Variants in ABCA13 observed in about 807,000 individuals in gnomAD.
ABCA13 encodes ATP binding cassette subfamily A member 13.
ABCA13 carries 476 observed loss-of-function variants against 478.7 expected under a neutral mutation model. The observed-to-expected ratio is 0.99, with a 90% CI of 0.92 to 1.07. ABCA13 has a LOEUF of 1.07. Ranked by LOEUF, ABCA13 falls within the 50% of genes least tolerant of loss-of-function variation. ABCA13 has a pLI of 0.00. For missense variants in ABCA13, 6,060 were observed against 5,910.6 expected (o/e 1.03, Z -0.83); for synonymous variants, 2,252 against 2,158.9 (o/e 1.04, Z -1.20).
chr7:48,531,731 ATTTTTTT>A lies in ABCA13; in HGVS notation c.14354+3402_14354+3408del, dbSNP rs34996683. ...ACCTCCTTGTTTAGGTATATTCCTA[ATTTTTTT>A]TTTTTTTTTTTTTTTGCGGCTGTTG... On this transcript the variant is annotated intron_variant, in intron 55 of 61. Coordinates refer to ENST00000435803, the MANE Select transcript of ABCA13 (RefSeq NM_152701.5). 2.9e-5 allele frequency among the ~76,000 whole-genome samples: 3 copies of A among 102,272 alleles called. No homozygotes were observed. The South Asian group carries it at 1.0e-3, about 35-fold the overall frequency. The allele number at this position is 102,272 out of a possible 152,430, so 67.1% of individuals were successfully genotyped here.
chr7:48,436,766 T>C (rs1822890779), intron 42 of ABCA13, among the ~76,000 whole-genome samples: 1 of 151,886 alleles, frequency 6.6e-6, no homozygotes, highest in African/African-American at 2.4e-5. Context: ...TGTGATTTAC[T>C]ATTTGATCCA....
intron 55 of ABCA13, among the ~76,000 whole-genome samples, chr7:48,536,174 C>A (rs1833565842): frequency 6.6e-6 from 1 of 152,184 alleles, no homozygotes; most frequent in Non-Finnish European, 1.5e-5. Flanking sequence ...GATTCTAATT[C>A]TCCTTATTGC....
At chr7:48,213,730 C>A (rs995502811) in intron 3 of ABCA13, among the ~76,000 whole-genome samples, 1 of 152,190 alleles carries the variant, frequency 6.6e-6, no homozygotes, top group African/African-American at 2.4e-5. Flanking sequence ...CACTGACTTA[C>A]CAACTAACTT....
rs1202516045 is a variant in ABCA13 at position 48,225,135 on chromosome 7, GCCTTCCTTCCTTCCTTCCTT to G, written c.469-2089_469-2070del. 5.9e-3 allele frequency among the ~76,000 whole-genome samples: 409 copies of G among 69,872 alleles called. 8 individuals carry two copies. The highest frequency in any genetic ancestry group is 0.021 in the African/African-American group (390 of 18,714). 45.8% of individuals were successfully genotyped at this position (69,872 alleles called of 152,430 possible). A position where few individuals can be genotyped will look rare whatever the true frequency, so the allele number is the denominator to read the frequency against. ...TGCCTGCCTGCCTGCCTGCCTGCCT[GCCTTCCTTCCTTCCTTCCTT>G]CCTTCCTTCCTTCCTTCCTTCCTTC... is the stretch of plus-strand genomic sequence containing the variant. On this transcript the variant is annotated intron_variant, in intron 5 of 61. Coordinates refer to ENST00000435803, the MANE Select transcript of ABCA13 (RefSeq NM_152701.5).
At chr7:48,206,570 C>T (rs1230743676) in intron 3 of ABCA13, among the ~76,000 whole-genome samples, 2 of 151,838 alleles carry the variant, frequency 1.3e-5, no homozygotes, top group Non-Finnish European at 2.9e-5. Context: ...GTAAGGATGA[C>T]CCAGGATGTT....
rs572111636 is a variant in ABCA13, at chr7:48,254,181, C to A, written c.2005+4830C>A. On this transcript the variant is annotated intron_variant, in intron 15 of 61. Coordinates refer to ENST00000435803, the MANE Select transcript of ABCA13 (RefSeq NM_152701.5). The stretch of plus-strand genomic sequence containing the variant: ...TTACTAAATATTTTCTGCCTGATAA[C>A]TTCAATAATTTTATTTTCTGGGTGT... Among the ~76,000 whole-genome samples the A allele has an allele frequency of 2.0e-5, 3 of 152,086 alleles. No individual in the cohort carries two copies. The South Asian group carries it at 6.2e-4, about 32-fold the overall frequency.
At chr7:48,542,434 T>C (rs1834001853) in intron 55 of ABCA13, among the ~76,000 whole-genome samples, 1 of 151,740 alleles carries the variant, frequency 6.6e-6, no homozygotes, top group African/African-American at 2.4e-5. Flanking sequence ...GTTTAAAAAA[T>C]AGTATGAGTA....
intron 35 of ABCA13, among the ~76,000 whole-genome samples, chr7:48,381,369 A>G (rs1024066498): frequency 8.7e-5 from 13 of 149,048 alleles, no homozygotes; most frequent in Non-Finnish European, 1.3e-4. Flanking sequence ...ACACATACAC[A>G]TACACACACA....
intron 42 of ABCA13, among the ~76,000 whole-genome samples, chr7:48,432,182 AAAGG>A (rs1300810314): frequency 5.9e-5 from 9 of 152,332 alleles, no homozygotes; most frequent in Admixed American, 4.6e-4. Context: ...GACATTTCTC[AAAGG>A]AAGACATGCA....
At chr7:48,481,921 C>G (rs1425168706) in intron 46 of ABCA13, among the ~76,000 whole-genome samples, 1 of 152,096 alleles carries the variant, frequency 6.6e-6, no homozygotes, top group East Asian at 1.9e-4. Flanking sequence ...GGAATGTGTA[C>G]TTATTCCTTT....
chr7:48,591,400 A>G (rs548216257), intron 57 of ABCA13, among the ~76,000 whole-genome samples: 1 of 152,102 alleles, frequency 6.6e-6, no homozygotes, highest in South Asian at 2.1e-4. Context: ...TTTTGAAAAT[A>G]GGAAATGTGA....
At chr7:48,298,891 C>T (rs1799764492) in intron 23 of ABCA13, among the ~76,000 whole-genome samples, 1 of 152,164 alleles carries the variant, frequency 6.6e-6, no homozygotes, top group Non-Finnish European at 1.5e-5. Context: ...ACTATGACTT[C>T]CTCTGAGTGG....
intron 43 of ABCA13, among the ~76,000 whole-genome samples, chr7:48,459,448 C>T (rs1380965905): frequency 6.6e-6 from 1 of 152,196 alleles, no homozygotes; most frequent in Non-Finnish European, 1.5e-5. Context: ...CTACCTTCCT[C>T]TCCTCAGTCC....
At chr7:48,234,908 C>A (rs888352160) in intron 8 of ABCA13, among the ~76,000 whole-genome samples, 3 of 152,206 alleles carry the variant, frequency 2.0e-5, no homozygotes, top group Admixed American at 1.3e-4. Flanking sequence ...CCATTAGGAT[C>A]TCAGTCCATG....
intron 59 of ABCA13, among the ~76,000 whole-genome samples, chr7:48,620,165 A>G (rs1164314576): frequency 4.8e-5 from 7 of 147,080 alleles, no homozygotes; most frequent in Non-Finnish European, 3.0e-5. Context: ...GTTTGAGGAA[A>G]TAGCGAAATA....
chr7:48,385,699 T>A (rs1255536707), intron 35 of ABCA13, among the ~76,000 whole-genome samples: 4 of 152,212 alleles, frequency 2.6e-5, no homozygotes, highest in Non-Finnish European at 5.9e-5. Flanking sequence ...CTGGGTCAAA[T>A]GGTATTTCTA....
chr7:48,215,928 G>A (rs1355624605), intron 3 of ABCA13, among the ~76,000 whole-genome samples: 1 of 152,076 alleles, frequency 6.6e-6, no homozygotes, highest in African/African-American at 2.4e-5. Context: ...TCATGTTGTA[G>A]CATCTAAAAT....
intron 5 of ABCA13, among the ~76,000 whole-genome samples, chr7:48,225,135 GCCTT>G (rs1202516045): frequency 0.062 from 4,323 of 69,382 alleles, 147 homozygotes; most frequent in Middle Eastern, 0.13. Context: ...CTGCCTGCCT[GCCTT>G]CCTTCCTTCC....
At chr7:48,583,839 T>C (rs1267331460) in intron 56 of ABCA13, among the ~76,000 whole-genome samples, 1 of 152,216 alleles carries the variant, frequency 6.6e-6, no homozygotes, top group Non-Finnish European at 1.5e-5. Context: ...ATACTTCTTA[T>C]TAGGCTATTT....
Sources: allele counts gnomAD v4.1 joint callset (sites outside exome capture counted in the v4.1 genomes callset), GRCh38; gene constraint gnomAD v4.1.1; transcripts MANE v1.5; gene names NCBI Gene and HGNC (gene_info 2026-07-23, HGNC 2026-07-21).